Variants in TRIM26 observed in about 807,000 individuals in gnomAD.
The protein encoded by TRIM26 is tripartite motif containing 26, also known as tripartite motif-containing protein 26.
In TRIM26, 16 loss-of-function variants were observed where a neutral mutation model predicts 45.5. The observed-to-expected ratio is 0.35, with a 90% confidence interval of 0.24 to 0.53. The LOEUF is 0.53. Ranked by LOEUF, TRIM26 falls within the 20% of genes least tolerant of loss-of-function variation. The pLI is 0.92. For synonymous variants in TRIM26, 273 were observed against 290.4 expected, an observed-to-expected ratio of 0.94 and a Z score of 0.61; for missense variants, 442 against 691.1, an observed-to-expected ratio of 0.64 and a Z score of 4.04.
At position 30,199,014 on chromosome 6, in the gene TRIM26, G is replaced by A; in HGVS notation, c.90C>T (p.Asp30=). Residue 30 remains aspartate, a synonymous_variant, in exon 4 of 10, where the codon GAC becomes GAT. Coordinates refer to ENST00000454678, the MANE Select transcript of TRIM26 (RefSeq NM_003449.5). ...AGCTGCGGCAGAAGACGTGGCCACA[G>A]TCAATGGTCACAGGGTCCCGCAGGT... The part of the protein sequence containing the change: ...LDYLRDPVTI[D]CGHVFCRSCT... 6.2e-7 allele frequency: 1 copy of A among 1,611,488 alleles called. No homozygotes were observed.
intron 9 of TRIM26, chr6:30,187,303 T>TTTATTGCACAATTATTGCACAA (rs1490343107): frequency 9.8e-6 from 3 of 306,256 alleles, no homozygotes; most frequent in Non-Finnish European, 1.4e-5. Context: ...CTTCAGCAAT[T>TTTATTGCACAATTATTGCACAA]TTATTGCACA....
In TRIM26 at chr6:30,196,829, C is replaced by T. The variant is rs549818710; in HGVS notation, c.535-83G>A. ...GTGCTGGAGGTGTGCAAGGCTGGCT[C>T]GTTCACCTCGCTACCCCCGTTCAGG... On this transcript the variant is annotated intron_variant, in intron 5 of 9. Coordinates refer to ENST00000454678, the MANE Select transcript of TRIM26 (RefSeq NM_003449.5). The surrounding 1 kb of genome is among the most constrained non-coding windows in gnomAD (Gnocchi z 4.9). 8.8e-6 allele frequency: 12 copies of T among 1,366,900 alleles called. No homozygotes were observed. In the Admixed American group the frequency reaches 1.9e-4, roughly 21 times the overall value. The allele number at this position is 1,366,900 out of a possible 1,614,324, so 84.7% of individuals were successfully genotyped here.
At position 30,186,395 on chromosome 6, in the gene TRIM26, C is replaced by T. The variant is rs1387402596; in HGVS notation, c.1101G>A (p.Lys367=). The change falls in exon 10 of 10, where the codon AAG becomes AAA. Residue 367 remains lysine, a synonymous_variant. Coordinates refer to ENST00000454678, the MANE Select transcript of TRIM26 (RefSeq NM_003449.5). This position sits in a 1 kb window ranked among gnomAD's most constrained non-coding sequence, Gnocchi z 7.4. ...TCTCCACTTCCACTTCCCAGTAGAC[C>T]TTGCCCCAGGTGAAGCCCTTGCTGC... ...VLGSKGFTWG[K]VYWEVEVERE... is the part of the protein sequence containing the mutation. The T allele has an allele frequency of 1.2e-6, 2 of 1,611,686 alleles. No individual in the cohort carries two copies. The highest frequency in any genetic ancestry group is 4.5e-5 in the East Asian group (2 of 44,870).
intron 2 of TRIM26, among the ~76,000 whole-genome samples, chr6:30,204,025 G>C (rs959806035): frequency 5.9e-5 from 9 of 152,188 alleles, no homozygotes; most frequent in African/African-American, 2.2e-4. Flanking sequence ...CACATTTACT[G>C]AACAAGTGAA....
intron 1 of TRIM26, among the ~76,000 whole-genome samples, chr6:30,208,066 T>C (rs1289404863): frequency 6.6e-5 from 10 of 152,304 alleles, no homozygotes. Flanking sequence ...GTGTCTGTCT[T>C]ATCACCAGAA....
At chr6:30,202,279 C>T (rs1248002654) in intron 2 of TRIM26, among the ~76,000 whole-genome samples, 1 of 152,096 alleles carries the variant, frequency 6.6e-6, no homozygotes, top group Non-Finnish European at 1.5e-5. Context: ...GTACTAGATA[C>T]CTAAAATTGT....
At position 30,192,125 on chromosome 6, in the gene TRIM26, A is replaced by G. The variant is rs141962919; in HGVS notation, c.766-2090T>C. 4.4e-3 allele frequency among the ~76,000 whole-genome samples: 675 copies of G among 152,308 alleles called. 2 individuals carry two copies. Among genetic ancestry groups the G allele is most frequent in the African/African-American group, 0.011 (475 of 41,566 alleles). On this transcript the variant is annotated intron_variant, in intron 6 of 9. Transcript: ENST00000454678. ...GGAGCCCCCATCCACAGCCACATACAGGGCCTCTGGAGGGAAGTGATCCGC... is the reference window on the plus strand; with the variant it reads ...GGAGCCCCCATCCACAGCCACATACGGGGCCTCTGGAGGGAAGTGATCCGC...
chr6:30,196,562 G>C lies in TRIM26; in HGVS notation c.719C>G (p.Ser240Cys). The change falls in exon 6 of 10, where the codon TCC (serine) becomes TGC (cysteine). Residue 240 changes from serine to cysteine, a missense_variant. Physicochemically the swap from Ser to Cys is moderately radical, Grantham distance 112 (BLOSUM62 -1). Coordinates refer to ENST00000454678, the MANE Select transcript of TRIM26 (RefSeq NM_003449.5). The surrounding 1 kb of genome is among the most constrained non-coding windows in gnomAD (Gnocchi z 4.9). ...CTGCTGCGCCTTGCCCTCCAGTTCG[G>C]AGATGACCAGGGCCAGCCGGGCAAG... is the stretch of plus-strand genomic sequence containing the variant. ...GELARLALVI[S>C]ELEGKAQQPA... 1.2e-6 allele frequency: 2 copies of C among 1,611,800 alleles called. No individual in the cohort carries two copies. Among genetic ancestry groups the C allele is most frequent in the Non-Finnish European group, 1.7e-6 (2 of 1,180,018 alleles).
intron 6 of TRIM26, among the ~76,000 whole-genome samples, chr6:30,193,183 T>TATATATATATATA (rs1554201635): frequency 1.7e-4 from 7 of 41,176 alleles, no homozygotes; most frequent in African/African-American, 6.1e-4. Flanking sequence ...TATATATATA[T>TATATATATATATA]TTTTTTTTTT....
chr6:30,199,976 A>G (rs1262153961), intron 3 of TRIM26, among the ~76,000 whole-genome samples: 1 of 152,106 alleles, frequency 6.6e-6, no homozygotes, highest in Non-Finnish European at 1.5e-5. Flanking sequence ...TTCAGGTTTC[A>G]AGAACTAAGA....
Position 30,190,020 on chromosome 6 carries a change from G to C in TRIM26, c.781C>G (p.Leu261Val), listed in dbSNP as rs765844438. ...AELMQDTRDF[L>V]NRYPRKKFWV... The stretch of plus-strand genomic sequence containing the variant: ...GAGAGGAGACTCTTTTACCTGTTTA[G>C]GAAGTCTCTCGTGTCCTAGAAGGGA... Residue 261 changes from leucine (L) to valine (V), a missense_variant, in exon 7 of 10, where the codon CTA becomes GTA. Leu to Val is a conservative substitution (Grantham distance 32). Transcript: ENST00000454678. This position sits in a 1 kb window ranked among gnomAD's most constrained non-coding sequence, Gnocchi z 4.3. The C allele has an allele frequency of 2.5e-6, 4 of 1,612,842 alleles. No homozygotes were observed. The highest frequency in any genetic ancestry group is 1.3e-5 in the African/African-American group (1 of 74,914).
In TRIM26 at chr6:30,186,257, G is replaced by A. The variant is rs144475271; in HGVS notation, c.1239C>T (p.Asp413=). The change falls in exon 10 of 10, where the codon GAC becomes GAT. Residue 413 remains aspartate, a synonymous_variant. Coordinates refer to ENST00000454678, the MANE Select transcript of TRIM26 (RefSeq NM_003449.5). The surrounding 1 kb of genome is among the most constrained non-coding windows in gnomAD (Gnocchi z 7.4). ...YGDGYDDWET[D]EDEESLGDEE... is the part of the protein sequence containing the mutation. ...CATCGCCCAACGATTCCTCATCTTCGTCCGTTTCCCAGTCGTCATATCCAT... is the reference window on the plus strand; with the variant it reads ...CATCGCCCAACGATTCCTCATCTTCATCCGTTTCCCAGTCGTCATATCCAT... The A allele has an allele frequency of 7.3e-5, 117 of 1,603,854 alleles. No individual in the cohort carries two copies. The African/African-American group carries it at 1.3e-3, about 18-fold the overall frequency.
intron 2 of TRIM26, among the ~76,000 whole-genome samples, chr6:30,202,262 T>G (rs552856689): frequency 6.6e-6 from 1 of 152,278 alleles, no homozygotes; most frequent in East Asian, 1.9e-4. Flanking sequence ...TAAAAATTAT[T>G]GCATATGTAC....
chr6:30,192,463 C>A (rs916334083), intron 6 of TRIM26, among the ~76,000 whole-genome samples: 1 of 152,140 alleles, frequency 6.6e-6, no homozygotes, highest in African/African-American at 2.4e-5. Context: ...GTTTGTCTTT[C>A]CTTTCCTATC....
chr6:30,187,394 T>G (rs540253341), intron 9 of TRIM26: 1 of 415,316 alleles, frequency 2.4e-6, no homozygotes, highest in Non-Finnish European at 4.9e-6. Flanking sequence ...GAAGAATATC[T>G]GCCCTTGTAA....
intron 6 of TRIM26, among the ~76,000 whole-genome samples, chr6:30,193,178 A>ATT (rs1320774241): frequency 3.9e-5 from 2 of 51,296 alleles, no homozygotes; most frequent in South Asian, 7.7e-4. Context: ...ATATATATAT[A>ATT]TATATTTTTT....
rs189763360 is a variant in TRIM26 at position 30,202,289 on chromosome 6, T to A, written c.-265-1151A>T. ...CATATGTACTAGATACCTAAAATTG[T>A]CTGGGGATTACAGAAGAATAACCTT... On this transcript the variant is annotated intron_variant, in intron 2 of 9. Transcript: ENST00000454678. Among the ~76,000 whole-genome samples the A allele has an allele frequency of 7.2e-3, 1,092 of 152,272 alleles. 42 individuals are homozygous for A. The South Asian group carries it at 0.12, about 17-fold the overall frequency.
In TRIM26 at chr6:30,209,856, A is replaced by G. The variant is rs1778098869; in HGVS notation, c.-376+3449T>C. On this transcript the variant is annotated intron_variant, in intron 1 of 9. Coordinates refer to ENST00000454678, the MANE Select transcript of TRIM26 (RefSeq NM_003449.5). This position sits in a 1 kb window ranked among gnomAD's most constrained non-coding sequence, Gnocchi z 4.8. ...CTCTAAAATAAAATAAATAAATAAA[A>G]ATAAAAATAAAAATAAAAACAAACA... Among the ~76,000 whole-genome samples the G allele has an allele frequency of 6.7e-6, 1 of 150,164 alleles. No homozygotes were observed. The highest frequency in any genetic ancestry group is 1.5e-5 in the Non-Finnish European group (1 of 67,600).
chr6:30,186,022 C>T lies in TRIM26; in HGVS notation c.1474G>A (p.Ala492Thr), dbSNP rs776445041. 15 of 1,609,562 alleles carry T rather than the reference C, an allele frequency of 9.3e-6. No homozygotes were observed. The highest frequency in any genetic ancestry group is 2.2e-5 in the East Asian group (1 of 44,734). The stretch of plus-strand genomic sequence containing the variant: ...ACGGTGCCCCCTTCATAATCCAGGG[C>T]GATGCCCACTCTCCGGGGCCGCAGT... ...PALRPRRVGI[A>T]LDYEGGTVTF... Residue 492 changes from alanine (A) to threonine (T), a missense_variant, in exon 10 of 10, where the codon GCC becomes ACC. Ala to Thr is a moderately conservative substitution (Grantham distance 58). Transcript: ENST00000454678. The surrounding 1 kb of genome is among the most constrained non-coding windows in gnomAD (Gnocchi z 7.4).
Sources: allele counts gnomAD v4.1 joint callset (sites outside exome capture counted in the v4.1 genomes callset), GRCh38; gene constraint gnomAD v4.1.1; non-coding constraint Gnocchi (gnomAD v3.1); transcripts MANE v1.5; gene names NCBI Gene and HGNC (gene_info 2026-07-23, HGNC 2026-07-21).